Variants in CLVS1 observed in about 807,000 individuals in gnomAD.
The protein encoded by CLVS1 is clavesin 1.
Under a neutral mutation model 33.1 loss-of-function variants are expected in CLVS1, and 10 were observed. That is an observed-to-expected ratio of 0.30 (90% CI 0.19 to 0.51). The LOEUF (loss-of-function observed/expected upper bound fraction) is 0.51. CLVS1 is among the 20% of genes least tolerant of loss of function. The pLI is 0.97. For synonymous variants in CLVS1, 163 were observed against 166.1 expected (o/e 0.98, Z 0.14); for missense variants, 343 against 433.4 (o/e 0.79, Z 1.85).
chr8:61,374,796 T>C (rs773848170), intron 2 of CLVS1, among the ~76,000 whole-genome samples: 2 of 152,136 alleles, frequency 1.3e-5, no homozygotes, highest in Non-Finnish European at 2.9e-5. Flanking sequence ...CATGCTTAGA[T>C]AGTTGAAAGT....
chr8:61,244,476 A>C (rs1808767524), intron 2 of CLVS1, among the ~76,000 whole-genome samples: 2 of 152,242 alleles, frequency 1.3e-5, no homozygotes, highest in African/African-American at 4.8e-5. Flanking sequence ...AGTGCTCTAC[A>C]TATGACAGTT....
At chr8:61,164,451 C>T (rs952727958) in intron 2 of CLVS1, among the ~76,000 whole-genome samples, 2 of 152,186 alleles carry the variant, frequency 1.3e-5, no homozygotes, top group Admixed American at 6.5e-5. Flanking sequence ...CTGTGTCCAC[C>T]CAAACATTGC....
At chr8:61,292,598 C>T (rs1360101920) in intron 1 of CLVS1, 3 of 320,694 alleles carry the variant, frequency 9.4e-6, no homozygotes, top group East Asian at 1.5e-4. Context: ...CCCATTGATA[C>T]CCCTAGGAAG....
chr8:61,432,243 A>G (rs779499555), intron 3 of CLVS1, among the ~76,000 whole-genome samples: 1 of 152,200 alleles, frequency 6.6e-6, no homozygotes, highest in Non-Finnish European at 1.5e-5. Context: ...GACCTCACCT[A>G]TTATCAAGGG....
intron 5 of CLVS1, among the ~76,000 whole-genome samples, chr8:61,492,756 G>A (rs1010299517): frequency 1.3e-5 from 2 of 152,160 alleles, no homozygotes; most frequent in African/African-American, 4.8e-5. Flanking sequence ...TGTCAAAGCA[G>A]AGAGAGGTTT....
chr8:61,420,743 C>T (rs1041277472), intron 3 of CLVS1, among the ~76,000 whole-genome samples: 6 of 151,948 alleles, frequency 3.9e-5, no homozygotes, highest in Non-Finnish European at 7.4e-5. Context: ...CTGAGGCGGG[C>T]GGATCACCTG....
At chr8:61,105,645 A>G (rs932913946) in intron 1 of CLVS1, among the ~76,000 whole-genome samples, 8 of 152,204 alleles carry the variant, frequency 5.3e-5, no homozygotes, top group African/African-American at 1.9e-4. Context: ...AGAGACTGTC[A>G]TTTGTAAATA....
intron 1 of CLVS1, among the ~76,000 whole-genome samples, chr8:61,077,147 C>A (rs1804927857): frequency 6.6e-6 from 1 of 151,982 alleles, no homozygotes; most frequent in South Asian, 2.1e-4. Flanking sequence ...GATCTCGGCT[C>A]ACTGCAAGCT....
intron 2 of CLVS1, among the ~76,000 whole-genome samples, chr8:61,367,335 T>A: frequency 6.6e-6 from 1 of 151,538 alleles, no homozygotes; most frequent in Non-Finnish European, 1.5e-5. Flanking sequence ...TTTGCCCCAT[T>A]GCACAGGAAA....
At chr8:61,005,222 C>G in the CLVS1 span, among the ~76,000 whole-genome samples, 1 of 152,218 alleles carries the variant, frequency 6.6e-6, no homozygotes. Context: ...CAAACTCCAT[C>G]CTTCCAAGTT....
At chr8:61,482,493 G>C (rs931748991) in intron 5 of CLVS1, among the ~76,000 whole-genome samples, 4 of 151,844 alleles carry the variant, frequency 2.6e-5, no homozygotes, top group African/African-American at 7.3e-5. Flanking sequence ...AGAATAAACA[G>C]TGTAGAGAAG....
intron 1 of CLVS1, among the ~76,000 whole-genome samples, chr8:61,293,912 A>T (rs1466944263): frequency 6.6e-6 from 1 of 152,142 alleles, no homozygotes; most frequent in African/African-American, 2.4e-5. Context: ...ATTTAAATTT[A>T]TGTGTACTTA....
chr8:61,497,450 G>GGC (rs1554581115), intron 5 of CLVS1, among the ~76,000 whole-genome samples: 7 of 147,638 alleles, frequency 4.7e-5, no homozygotes, highest in Non-Finnish European at 9.0e-5. Flanking sequence ...ATTGGGGGGG[G>GGC]GGTGTCAGTC....
At chr8:61,427,591 T>G (rs1431352764) in intron 3 of CLVS1, among the ~76,000 whole-genome samples, 5 of 152,230 alleles carry the variant, frequency 3.3e-5, no homozygotes, top group Non-Finnish European at 7.3e-5. Context: ...CCAGGGCTGG[T>G]AAGGAGTCTT....
intron 2 of CLVS1, among the ~76,000 whole-genome samples, chr8:61,318,352 C>A (rs1465896051): frequency 1.3e-5 from 2 of 152,130 alleles, no homozygotes; most frequent in Non-Finnish European, 1.5e-5. Flanking sequence ...TTTATGTATT[C>A]TTTCAACAAA....
intron 2 of CLVS1, among the ~76,000 whole-genome samples, chr8:61,363,816 C>T (rs533598581): frequency 1.3e-5 from 2 of 152,270 alleles, no homozygotes; most frequent in South Asian, 2.1e-4. Flanking sequence ...GCTCTCAGCC[C>T]ACTGGTTTAT....
In CLVS1 at chr8:61,419,396, C is replaced by CAAAAAA. The variant is rs10635998; in HGVS notation, c.631-34730_631-34725dup. Among the ~76,000 whole-genome samples the CAAAAAA allele has an allele frequency of 5.5e-3, 389 of 70,300 alleles. 3 individuals are homozygous for CAAAAAA. Among genetic ancestry groups the CAAAAAA allele is most frequent in the African/African-American group, 0.017 (375 of 22,298 alleles). 46.1% of individuals were successfully genotyped at this position (70,300 alleles called of 152,430 possible). ...TGGGTGACAGAGCAAGACTCCGTCT[C>CAAAAAA]AAAAAAAAAAAAAAAAAAAATATTT... is the stretch of plus-strand genomic sequence containing the variant. On this transcript the variant is annotated intron_variant, in intron 3 of 5. Transcript: ENST00000325897.
chr8:61,448,329 T>G (rs1166386662), intron 3 of CLVS1, among the ~76,000 whole-genome samples: 4 of 152,182 alleles, frequency 2.6e-5, no homozygotes, highest in African/African-American at 9.6e-5. Flanking sequence ...TCTTAAGTAC[T>G]TTTCCAGCCT....
chr8:61,077,937 CG>C (rs1412931433), intron 1 of CLVS1, among the ~76,000 whole-genome samples: 3 of 152,168 alleles, frequency 2.0e-5, no homozygotes, highest in Non-Finnish European at 4.4e-5. Flanking sequence ...TCCGGCTCCT[CG>C]GGTGGCTTTT....
Sources: gnomAD v4.1 joint callset for allele counts (sites outside exome capture counted in the v4.1 genomes callset) on GRCh38, gnomAD v4.1.1 for gene constraint, MANE v1.5 for transcripts, NCBI Gene and HGNC (gene_info 2026-07-23, HGNC 2026-07-21) for gene names.